ADGRG4: variants seen among roughly 807,000 people sequenced by gnomAD.
ADGRG4 encodes G protein-coupled receptor 112.
A neutral mutation model predicts 126.2 loss-of-function variants in ADGRG4; 122 were observed. The observed-to-expected ratio is 0.97, with a 90% CI of 0.83 to 1.12. ADGRG4 has a LOEUF of 1.12. Among genes scored for constraint, ADGRG4 ranks in the 50% most tolerant of loss-of-function variants. The probability of loss-of-function intolerance (pLI) is 0.00; values close to 1 mark genes in which losing one functional copy is unlikely to be tolerated. For missense variants in ADGRG4, 2,481 were observed against 2,251.8 expected, an observed-to-expected ratio of 1.10 and a Z score of -2.06; for synonymous variants, 943 against 838.7, an observed-to-expected ratio of 1.12 and a Z score of -2.15.
At chrX:136,352,662 G>T (rs2148471311) in intron 7 of ADGRG4, among the ~76,000 whole-genome samples, 1 of 111,304 alleles carries the variant, frequency 9.0e-6, no homozygotes, top group Admixed American at 9.5e-5. Context: ...TCACTAAATG[G>T]CCTCCCAGAT....
intron 20 of ADGRG4, 117 bp downstream of exon 20, chrX:136,398,119 G>A: frequency 1.6e-6 from 1 of 625,519 alleles, no homozygotes. Context: ...AGATCCATTA[G>A]CTTATGAAGT....
Position 136,344,941 on chromosome X carries a change from T to TGTC in ADGRG4, c.1236_1238dup (p.Ser413dup). The TGTC allele has an allele frequency of 1.7e-6, 2 of 1,209,128 alleles. No individual in the cohort carries two copies. Among genetic ancestry groups the TGTC allele is most frequent in the Non-Finnish European group, 1.1e-6 (1 of 892,963 alleles). On this transcript the variant is annotated inframe_insertion, in exon 6 of 26. Coordinates refer to ENST00000394143, the MANE Select transcript of ADGRG4 (RefSeq NM_153834.4). ...TTTTCAACTATTGAGTCAACATCTA[T>TGTC]GTCTACAACACCTTGTCTCAAACAA... is the stretch of plus-strand genomic sequence containing the variant.
chrX:136,348,828 C>A lies in ADGRG4; in HGVS notation c.5122C>A (p.Gln1708Lys), dbSNP rs1434888045. The change falls in exon 6 of 26, where the codon CAA (glutamine) becomes AAA (lysine). Residue 1708 changes from glutamine to lysine, a missense_variant. Gln to Lys is a moderately conservative substitution (Grantham distance 53). Coordinates refer to ENST00000394143, the MANE Select transcript of ADGRG4 (RefSeq NM_153834.4). ...PFLSATQQSS[Q>K]ADEATTLGIL... ...TCTATCAGCAACTCAACAGTCATCA[C>A]AAGCAGATGAGGCTACAACTTTGGG... 8.3e-7 allele frequency: 1 copy of A among 1,209,315 alleles called. No homozygotes were observed.
chrX:136,368,895 A>G (rs1467818785), intron 13 of ADGRG4, among the ~76,000 whole-genome samples: 1 of 112,411 alleles, frequency 8.9e-6, no homozygotes, highest in African/African-American at 3.2e-5. Context: ...AAATTTAACA[A>G]TTGGTTCTCA....
intron 4 of ADGRG4, among the ~76,000 whole-genome samples, chrX:136,321,555 A>G (rs200909868): frequency 1.8e-5 from 2 of 111,682 alleles, no homozygotes; most frequent in East Asian, 5.6e-4. Context: ...ACTGTAATTC[A>G]GGGAGTGGTT....
At chrX:136,384,581 A>G (rs1339293973) in intron 15 of ADGRG4, among the ~76,000 whole-genome samples, 1 of 111,889 alleles carries the variant, frequency 8.9e-6, no homozygotes, top group African/African-American at 3.2e-5. Context: ...AAATTCACTT[A>G]GGATTTATTG....
At chrX:136,305,741 A>G (rs1022149198) in intron 3 of ADGRG4, among the ~76,000 whole-genome samples, 3 of 112,320 alleles carry the variant, frequency 2.7e-5, no homozygotes, top group Non-Finnish European at 3.8e-5. Context: ...CTTTCTTAGT[A>G]AAGTGAAATG....
Position 136,359,484 on chromosome X carries a change from G to A in ADGRG4, c.7144+29G>A, listed in dbSNP as rs370935482. 2.8e-4 allele frequency: 307 copies of A among 1,083,497 alleles called. No individual in the cohort carries two copies. In the African/African-American group the frequency reaches 3.5e-3, roughly 12 times the overall value. The allele number at this position is 1,083,497 out of a possible 1,213,427, so 89.3% of individuals were successfully genotyped here. A position where few individuals can be genotyped will look rare whatever the true frequency, so the allele number is the denominator to read the frequency against. ...ATTTTTTTGGGGGGTGGATATTGCA[G>A]TATGAACTTACTTCCTTTATTATAA... On this transcript the variant is annotated intron_variant, in intron 11 of 25. Coordinates refer to ENST00000394143, the MANE Select transcript of ADGRG4 (RefSeq NM_153834.4).
chrX:136,312,884 G>A (rs1432793804), intron 4 of ADGRG4, among the ~76,000 whole-genome samples: 3 of 111,660 alleles, frequency 2.7e-5, no homozygotes, highest in Non-Finnish European at 3.8e-5. Context: ...TATTCTGGAC[G>A]TTTCAGGTAA....
chrX:136,410,829 A>G (rs774966290), intron 23 of ADGRG4, among the ~76,000 whole-genome samples: 21 of 112,149 alleles, frequency 1.9e-4, no homozygotes, highest in African/African-American at 6.8e-4. Context: ...TGGGAAATAG[A>G]CGAATAATTG....
chrX:136,344,903 G>T lies in ADGRG4; in HGVS notation c.1197G>T (p.Lys399Asn). ...TTAAATCTCAGTCGGCTGTTACGAA[G>T]ACAACATCTTTATTTTCAACTATTG... ...SAIKSQSAVT[K>N]TTSLFSTIES... The change falls in exon 6 of 26, where the codon AAG (lysine) becomes AAT (asparagine). Residue 399 changes from lysine (K) to asparagine (N), a missense_variant. By Grantham distance (94) the Lys-to-Asn change is moderately conservative. Transcript: ENST00000394143. The T allele has an allele frequency of 8.3e-7, 1 of 1,210,681 alleles. No homozygotes were observed. Among genetic ancestry groups the T allele is most frequent in the Middle Eastern group, 2.3e-4 (1 of 4,347 alleles).
intron 1 of ADGRG4, among the ~76,000 whole-genome samples, chrX:136,301,600 C>G (rs2074700702): frequency 8.9e-6 from 1 of 112,170 alleles, no homozygotes; most frequent in East Asian, 2.8e-4. Flanking sequence ...AATTAGATCC[C>G]ATTTGTCAAT....
At chrX:136,361,078 G>A (rs1478971762) in intron 11 of ADGRG4, among the ~76,000 whole-genome samples, 1 of 110,642 alleles carries the variant, frequency 9.0e-6, no homozygotes, top group African/African-American at 3.3e-5. Context: ...GGTGGCTGAG[G>A]TGGGAGGATT....
intron 4 of ADGRG4, among the ~76,000 whole-genome samples, chrX:136,315,624 G>A (rs1337315251): frequency 1.8e-5 from 2 of 111,734 alleles, no homozygotes; most frequent in African/African-American, 6.5e-5. Flanking sequence ...CCTACACAGT[G>A]TTGAGTCAAG....
At position 136,348,307 on chromosome X, in the gene ADGRG4, T is replaced by A. The variant is rs2075033960; in HGVS notation, c.4601T>A (p.Ile1534Lys). The A allele has an allele frequency of 8.3e-7, 1 of 1,208,409 alleles. No individual in the cohort carries two copies. The highest frequency in any genetic ancestry group is 1.7e-5 in the African/African-American group (1 of 57,625). Residue 1534 changes from isoleucine to lysine, a missense_variant, in exon 6 of 26, where the codon ATA (isoleucine) becomes AAA (lysine). By Grantham distance (102) the Ile-to-Lys change is moderately radical (BLOSUM62 -3). Coordinates refer to ENST00000394143, the MANE Select transcript of ADGRG4 (RefSeq NM_153834.4). Reference protein sequence around the residue: ...TSKKVSDTPPIVITKSSKTMH... With the variant: ...TSKKVSDTPPKVITKSSKTMH... ...AAAAAAGTTTCTGACACTCCCCCAATAGTGATAACTAAATCTTCTAAAACA... is the reference window on the plus strand; with the variant it reads ...AAAAAAGTTTCTGACACTCCCCCAAAAGTGATAACTAAATCTTCTAAAACA...
Position 136,349,667 on chromosome X carries a change from A to G in ADGRG4, c.5961A>G (p.Thr1987=). The G allele has an allele frequency of 2.5e-6, 3 of 1,209,356 alleles. No individual in the cohort carries two copies. The highest frequency in any genetic ancestry group is 3.4e-6 in the Non-Finnish European group (3 of 894,234). ...CCACATCTGTAACTCCTGGGACCAC[A>G]CTCCCATCAATTCTTTCTGGTGCCA... ...KMTTSVTPGT[T]LPSILSGATS... Residue 1987 remains threonine, a synonymous_variant, in exon 6 of 26, where the codon ACA becomes ACG. Coordinates refer to ENST00000394143, the MANE Select transcript of ADGRG4 (RefSeq NM_153834.4).
chrX:136,310,625 G>A (rs1176901218), intron 4 of ADGRG4, among the ~76,000 whole-genome samples: 1 of 111,288 alleles, frequency 9.0e-6, no homozygotes, highest in Admixed American at 9.6e-5. Flanking sequence ...GAGAGATTAA[G>A]GCCAGATTAA....
At chrX:136,358,438 G>T (rs181202687) in intron 10 of ADGRG4, among the ~76,000 whole-genome samples, 2 of 112,050 alleles carry the variant, frequency 1.8e-5, no homozygotes, top group East Asian at 5.6e-4. Flanking sequence ...GCAACAACTG[G>T]CAGGAAACTT....
In ADGRG4 at chrX:136,371,426, G is replaced by T; in HGVS notation, c.7495G>T (p.Asp2499Tyr). 2.5e-6 allele frequency: 3 copies of T among 1,182,605 alleles called. No homozygotes were observed. Among genetic ancestry groups the T allele is most frequent in the Non-Finnish European group, 3.4e-6 (3 of 871,342 alleles). ...ETKIIVSKISDISQCDEISMN... is the reference protein window; with the variant it reads ...ETKIIVSKISYISQCDEISMN... ...AAAGATTATTGTTTCTAAAATATCAGATATTTCACAATGTGATGAGATAAG... is the reference window on the plus strand; with the variant it reads ...AAAGATTATTGTTTCTAAAATATCATATATTTCACAATGTGATGAGATAAG... The change falls in exon 14 of 26, where the codon GAT (aspartate) becomes TAT (tyrosine). Residue 2499 changes from aspartate to tyrosine, a missense_variant. Physicochemically the swap from Asp to Tyr is radical, Grantham distance 160 (BLOSUM62 -3). Coordinates refer to ENST00000394143, the MANE Select transcript of ADGRG4 (RefSeq NM_153834.4).
Sources: gnomAD v4.1 joint callset for allele counts (sites outside exome capture counted in the v4.1 genomes callset) on GRCh38, gnomAD v4.1.1 for gene constraint, MANE v1.5 for transcripts, NCBI Gene and HGNC (gene_info 2026-07-23, HGNC 2026-07-21) for gene names.